The following TLN2 variants were observed in gnomAD, a reference collection of about 807,000 sequenced individuals.
TLN2 encodes talin-2.
Under a neutral mutation model 294.7 loss-of-function variants are expected in TLN2, and 118 were observed. The ratio of observed to expected loss-of-function variants is 0.40; its 90% CI spans 0.34 to 0.47. The LOEUF (loss-of-function observed/expected upper bound fraction) is 0.47. TLN2 is among the 20% of genes least tolerant of loss of function. The pLI is 0.84. For missense variants in TLN2, 3,083 were observed against 3,282.2 expected (o/e 0.94, Z 1.48); for synonymous variants, 1,431 against 1,304.5 (o/e 1.10, Z -2.09).
At chr15:62,792,377 CA>C (rs2065134592) in intron 45 of TLN2, among the ~76,000 whole-genome samples, 1 of 152,106 alleles carries the variant, frequency 6.6e-6, no homozygotes, top group Non-Finnish European at 1.5e-5. Flanking sequence ...AGCTATAAAC[CA>C]GGAAAGATAT....
intron 37 of TLN2, among the ~76,000 whole-genome samples, chr15:62,757,297 C>T (rs1351482382): frequency 6.6e-6 from 1 of 152,162 alleles, no homozygotes; most frequent in Non-Finnish European, 1.5e-5. Flanking sequence ...GTCATCTCTC[C>T]AGCCTGGGAA....
At chr15:62,491,351 T>TACACACACACACACACACACAC (rs1166046640) in intron 1 of TLN2, among the ~76,000 whole-genome samples, 1 of 100,296 alleles carries the variant, frequency 1.0e-5, no homozygotes, top group Non-Finnish European at 1.8e-5. Context: ...TATATATATA[T>TACACACACACACACACACACAC]ACACACACAC....
At chr15:62,831,833 T>G (rs1219362681) in intron 54 of TLN2, 1 of 152,246 alleles carries the variant, frequency 6.6e-6, no homozygotes, top group African/African-American at 2.4e-5. Flanking sequence ...GCATTATGAA[T>G]GGAGAGCTGG....
chr15:62,538,359 A>G (rs957426162), intron 1 of TLN2, among the ~76,000 whole-genome samples: 2 of 152,192 alleles, frequency 1.3e-5, no homozygotes, highest in Non-Finnish European at 2.9e-5. Context: ...CTTCTGGCCT[A>G]TTAGCCCTAA....
intron 1 of TLN2, among the ~76,000 whole-genome samples, chr15:62,564,082 T>G (rs2043190353): frequency 6.6e-6 from 1 of 152,148 alleles, no homozygotes; most frequent in African/African-American, 2.4e-5. Context: ...TTACTGGTGG[T>G]GTTTTGAGTT....
intron 52 of TLN2, among the ~76,000 whole-genome samples, chr15:62,813,025 G>T (rs2066814599): frequency 6.6e-6 from 1 of 152,206 alleles, no homozygotes; most frequent in South Asian, 2.1e-4. Context: ...ACCATCACAG[G>T]TCATTCAGGA....
intron 28 of TLN2, among the ~76,000 whole-genome samples, chr15:62,735,381 C>T (rs577784524): frequency 3.3e-5 from 5 of 152,286 alleles, no homozygotes; most frequent in African/African-American, 2.4e-5. Context: ...TTATATTCAT[C>T]GTTTATCACC....
intron 1 of TLN2, among the ~76,000 whole-genome samples, chr15:62,528,300 A>G (rs2040846969): frequency 6.6e-6 from 1 of 152,250 alleles, no homozygotes; most frequent in Non-Finnish European, 1.5e-5. Context: ...ACACTATCCC[A>G]GAAGTCACTA....
intron 1 of TLN2, among the ~76,000 whole-genome samples, chr15:62,427,910 A>G (rs1316622711): frequency 1.3e-5 from 2 of 152,272 alleles, no homozygotes; most frequent in African/African-American, 2.4e-5. Flanking sequence ...GCAGTGTCAG[A>G]TACGTGGAAG....
Position 62,797,175 on chromosome 15 carries a change from C to A in TLN2, c.6051-44C>A, listed in dbSNP as rs771870806. On this transcript the variant is annotated intron_variant, in intron 47 of 58. Coordinates refer to ENST00000636159, the MANE Select transcript of TLN2 (RefSeq NM_015059.3). Reference sequence around the variant, plus strand: ...TTCTTCTTGAAGTAATCAAGCTTTGCCCTCTGTCTCTCCCCCTCTCCCCTG... The same window carrying A: ...TTCTTCTTGAAGTAATCAAGCTTTGACCTCTGTCTCTCCCCCTCTCCCCTG... The A allele has an allele frequency of 6.2e-6, 10 of 1,606,162 alleles. No individual in the cohort carries two copies. The South Asian group carries it at 1.1e-4, about 18-fold the overall frequency.
At chr15:62,713,269 C>A (rs1206814489) in intron 22 of TLN2, among the ~76,000 whole-genome samples, 3 of 51,026 alleles carry the variant, frequency 5.9e-5, no homozygotes, top group African/African-American at 9.6e-5. Flanking sequence ...AAACCTGCGT[C>A]TCAAAAAAAA....
rs553965116 is a variant in TLN2, at chr15:62,469,046, G to A, written c.-238+78361G>A. Reference sequence around the variant, plus strand: ...AATAAAGATAATTTACAATGTTTTCGTGAAGGCAGGAGTAGGTGGTAGAGG... The same window carrying A: ...AATAAAGATAATTTACAATGTTTTCATGAAGGCAGGAGTAGGTGGTAGAGG... On this transcript the variant is annotated intron_variant, in intron 1 of 58. Coordinates refer to ENST00000636159, the MANE Select transcript of TLN2 (RefSeq NM_015059.3). Among the ~76,000 whole-genome samples the A allele has an allele frequency of 1.1e-4, 16 of 152,308 alleles. No homozygotes were observed. The South Asian group carries it at 1.9e-3, about 18-fold the overall frequency.
intron 53 of TLN2, 102 bp from the exon 54 acceptor site, chr15:62,820,384 C>T (rs963606639): frequency 5.4e-5 from 73 of 1,359,550 alleles, no homozygotes; most frequent in Non-Finnish European, 7.1e-5. Flanking sequence ...AGGTCAGGCT[C>T]CTGGAGCCTT....
intron 1 of TLN2, among the ~76,000 whole-genome samples, chr15:62,409,253 G>C (rs2033621388): frequency 6.6e-6 from 1 of 152,104 alleles, no homozygotes; most frequent in Non-Finnish European, 1.5e-5. Context: ...GATTACAGGT[G>C]TCAGCCACTG....
At chr15:62,812,208 T>G (rs2066744452) in intron 52 of TLN2, among the ~76,000 whole-genome samples, 4 of 152,124 alleles carry the variant, frequency 2.6e-5, no homozygotes, top group Admixed American at 2.6e-4. Context: ...TTTGCTGTTG[T>G]CTTGTTCATT....
intron 52 of TLN2, among the ~76,000 whole-genome samples, chr15:62,817,221 T>C (rs1417042426): frequency 2.0e-5 from 3 of 152,196 alleles, no homozygotes; most frequent in Non-Finnish European, 2.9e-5. Context: ...TCCTTCTATT[T>C]CTCCATGGCT....
chr15:62,752,402 G>C lies in TLN2; in HGVS notation c.4307G>C (p.Cys1436Ser), dbSNP rs768412291. The stretch of plus-strand genomic sequence containing the variant: ...GTGGGGATTGCATCCAAGGCTCTCT[G>C]TGGGCTGACAGAGGCTGCAGCCCAG... ...ECVGIASKAL[C>S]GLTEAAAQAA... The change falls in exon 35 of 59, where the codon TGT (cysteine) becomes TCT (serine). Residue 1436 changes from cysteine to serine, a missense_variant. Transcript: ENST00000636159. The C allele has an allele frequency of 6.2e-7, 1 of 1,614,196 alleles. No homozygotes were observed. Among genetic ancestry groups the C allele is most frequent in the Non-Finnish European group, 8.5e-7 (1 of 1,180,028 alleles).
chr15:62,608,249 T>G (rs1051243498), intron 2 of TLN2, among the ~76,000 whole-genome samples: 4 of 152,064 alleles, frequency 2.6e-5, no homozygotes, highest in Admixed American at 6.6e-5. Flanking sequence ...GTGCAGAGGG[T>G]TTAAGACAGA....
intron 1 of TLN2, among the ~76,000 whole-genome samples, chr15:62,494,566 T>A (rs186488915): frequency 2.9e-4 from 44 of 152,306 alleles, no homozygotes; most frequent in Admixed American, 1.1e-3. Flanking sequence ...TCAAGAGTCA[T>A]GTTTCCCCAG....
Sources: gnomAD v4.1 joint callset for allele counts (sites outside exome capture counted in the v4.1 genomes callset) on GRCh38, gnomAD v4.1.1 for gene constraint, MANE v1.5 for transcripts, NCBI Gene and HGNC (gene_info 2026-07-23, HGNC 2026-07-21) for gene names.